Variants in CPXM2 observed in about 807,000 individuals in gnomAD.
The protein encoded by CPXM2 is inactive carboxypeptidase-like protein X2.
A neutral mutation model predicts 86.1 loss-of-function variants in CPXM2; 66 were observed. That is an observed-to-expected ratio of 0.77 (90% CI 0.63 to 0.94). The LOEUF (loss-of-function observed/expected upper bound fraction) is 0.94. Among genes scored for constraint, CPXM2 ranks in the 40% least tolerant of loss-of-function variants. CPXM2 has a pLI of 0.00. For synonymous variants in CPXM2, 388 were observed against 400.2 expected (o/e 0.97, Z 0.36); for missense variants, 948 against 1,026.3 (o/e 0.92, Z 1.04).
intron 2 of CPXM2, among the ~76,000 whole-genome samples, chr10:123,897,844 C>T (rs1945349913): frequency 1.3e-5 from 2 of 152,282 alleles, no homozygotes. Flanking sequence ...ATCACTGCCA[C>T]ATGGGCAGGG....
At chr10:123,893,498 T>C (rs1188439211), upstream of CPXM2, among the ~76,000 whole-genome samples, 1 of 152,184 alleles carries the variant, frequency 6.6e-6, no homozygotes. Flanking sequence ...AGGAGGAGGC[T>C]GCTGGTTGAG....
At chr10:123,941,345 G>A (rs945535245), upstream of CPXM2, among the ~76,000 whole-genome samples, 1 of 152,134 alleles carries the variant, frequency 6.6e-6, no homozygotes, top group African/African-American at 2.4e-5. Flanking sequence ...CAGCTTCCCT[G>A]GTGTTTCTCG....
At chr10:123,793,359 A>G (rs1413861722) in intron 6 of CPXM2, among the ~76,000 whole-genome samples, 2 of 146,712 alleles carry the variant, frequency 1.4e-5, no homozygotes, top group Admixed American at 7.0e-5. Context: ...AGCTACCCGG[A>G]GGCTAAGGCA....
At chr10:123,759,220 C>T (rs952423684) in intron 11 of CPXM2, among the ~76,000 whole-genome samples, 7 of 152,178 alleles carry the variant, frequency 4.6e-5, no homozygotes, top group African/African-American at 1.4e-4. Context: ...TATGGAATTA[C>T]AGACAGTGCA....
At position 123,816,139 on chromosome 10, in the gene CPXM2, C is replaced by A. The variant is rs111277805; in HGVS notation, c.654-16940G>T. Among the ~76,000 whole-genome samples the A allele has an allele frequency of 4.2e-3, 638 of 152,190 alleles. 3 individuals are homozygous for A. The highest frequency in any genetic ancestry group is 0.014 in the African/African-American group (600 of 41,528). ...GTGGAGTGGATTAGTCACTTTAGAC[C>A]TACTCATCCCAGCTAGGAGGGTCCA... On this transcript the variant is annotated intron_variant, in intron 4 of 13. Transcript: ENST00000241305.
intron 13 of CPXM2, among the ~76,000 whole-genome samples, chr10:123,747,440 T>C (rs1038550872): frequency 6.6e-6 from 1 of 152,162 alleles, no homozygotes; most frequent in Non-Finnish European, 1.5e-5. Flanking sequence ...TTTTCAAAGG[T>C]GTGGGCTTTT....
At chr10:123,872,236 C>A (rs1944907112) in intron 2 of CPXM2, among the ~76,000 whole-genome samples, 1 of 152,170 alleles carries the variant, frequency 6.6e-6, no homozygotes, top group Admixed American at 6.5e-5. Context: ...CAAGAATAGT[C>A]TTAACAGCAC....
chr10:123,935,347 C>A (rs1945705279), intron 2 of CPXM2, among the ~76,000 whole-genome samples: 1 of 152,086 alleles, frequency 6.6e-6, no homozygotes, highest in Admixed American at 6.5e-5. Context: ...GCAGAGGTGC[C>A]CACTTAGTGG....
At chr10:123,918,423 A>G (rs1334364603) in intron 2 of CPXM2, among the ~76,000 whole-genome samples, 2 of 152,230 alleles carry the variant, frequency 1.3e-5, no homozygotes, top group African/African-American at 2.4e-5. Flanking sequence ...GAGTACTGTG[A>G]AAAATAATAA....
At chr10:123,825,555 C>T (rs1474639704) in intron 4 of CPXM2, among the ~76,000 whole-genome samples, 2 of 152,206 alleles carry the variant, frequency 1.3e-5, no homozygotes, top group Non-Finnish European at 2.9e-5. Flanking sequence ...GAACCTTCAT[C>T]TCTGGCATCA....
intron 4 of CPXM2, among the ~76,000 whole-genome samples, chr10:123,816,174 C>G (rs545808951): frequency 6.6e-6 from 1 of 152,210 alleles, no homozygotes; most frequent in East Asian, 1.9e-4. Flanking sequence ...AGAAGATATA[C>G]CCTTTACTAA....
At chr10:123,789,664 A>G (rs182968653) in intron 6 of CPXM2, among the ~76,000 whole-genome samples, 1 of 152,298 alleles carries the variant, frequency 6.6e-6, no homozygotes, top group Admixed American at 6.5e-5. Context: ...CCTTCTATAG[A>G]AGGGTGCAAT....
chr10:123,822,443 T>C (rs1590037933), intron 4 of CPXM2, among the ~76,000 whole-genome samples: 1 of 152,216 alleles, frequency 6.6e-6, no homozygotes, highest in African/African-American at 2.4e-5. Flanking sequence ...GTGGAGAACA[T>C]AGAGATTGCA....
chr10:123,750,171 G>T (rs1846044392), intron 13 of CPXM2: 3 of 985,258 alleles, frequency 3.0e-6, no homozygotes, highest in Non-Finnish European at 3.6e-6. Context: ...CAAGAAATTT[G>T]TTCTGTCCTT....
intron 1 of CPXM2, among the ~76,000 whole-genome samples, chr10:123,890,520 G>C (rs1195006930): frequency 6.6e-6 from 1 of 152,244 alleles, no homozygotes; most frequent in Non-Finnish European, 1.5e-5. Flanking sequence ...TGCGAGGCCA[G>C]AGAATTTGGC....
At position 123,767,122 on chromosome 10, in the gene CPXM2, G is replaced by T; in HGVS notation, c.1330C>A (p.Arg444Ser). The T allele has an allele frequency of 6.2e-7, 1 of 1,614,110 alleles. No homozygotes were observed. Among genetic ancestry groups the T allele is most frequent in the Non-Finnish European group, 8.5e-7 (1 of 1,180,008 alleles). Residue 444 changes from arginine to serine, a missense_variant, in exon 10 of 14, where the codon CGC (arginine) becomes AGC (serine). Physicochemically the swap from Arg to Ser is moderately radical, Grantham distance 110. Transcript: ENST00000241305. ...ATGTCAATTCCATCGTGGGTCCAGC[G>T]TCCCAGGGACCAGCCTCCCAGCTCC... ...GSELGGWSLGRWTHDGIDINN... is the reference protein window; with the variant it reads ...GSELGGWSLGSWTHDGIDINN...
intron 1 of CPXM2, among the ~76,000 whole-genome samples, chr10:123,886,725 G>C (rs1945183121): frequency 6.6e-6 from 1 of 152,180 alleles, no homozygotes; most frequent in African/African-American, 2.4e-5. Flanking sequence ...AATGTGCAAT[G>C]AAGAGAGAAA....
In CPXM2 at chr10:123,891,636, G is replaced by C. The variant is rs1034919827; in HGVS notation, c.24C>G (p.Thr8=). MSRPGTA[T]PALALVLLAV... is the part of the protein sequence containing the mutation. The stretch of plus-strand genomic sequence containing the variant: ...CCAGGAGCACCAGGGCCAGCGCTGG[G>C]GTAGCGGTCCCCGGGCGGGACATGC... Residue 8 remains threonine (T), a synonymous_variant, in exon 1 of 14, where the codon ACC becomes ACG. Coordinates refer to ENST00000241305, the MANE Select transcript of CPXM2 (RefSeq NM_198148.3). The surrounding 1 kb of genome is among the most constrained non-coding windows in gnomAD (Gnocchi z 5.6). 4.1e-6 allele frequency: 6 copies of C among 1,458,816 alleles called. No homozygotes were observed. The highest frequency in any genetic ancestry group is 3.9e-4 in the Middle Eastern group (2 of 5,088). 90.4% of individuals were successfully genotyped at this position (1,458,816 alleles called of 1,614,324 possible).
chr10:123,865,085 C>G lies in CPXM2; in HGVS notation c.404-2362G>C, dbSNP rs1177235402. ...TCCTGTGATGGTGTCACGGCAAAGC[C>G]AGAAACTTCACCCCCTCCACCCACA... On this transcript the variant is annotated intron_variant, in intron 2 of 13. Transcript: ENST00000241305. The surrounding 1 kb of genome is among the most constrained non-coding windows in gnomAD (Gnocchi z 4.7). 6.6e-6 allele frequency among the ~76,000 whole-genome samples: 1 copy of G among 152,194 alleles called. No homozygotes were observed. The highest frequency in any genetic ancestry group is 1.5e-5 in the Non-Finnish European group (1 of 68,032).
Sources: gnomAD v4.1 joint callset for allele counts (sites outside exome capture counted in the v4.1 genomes callset) on GRCh38, gnomAD v4.1.1 for gene constraint, Gnocchi (gnomAD v3.1) non-coding constraint, MANE v1.5 for transcripts, NCBI Gene and HGNC (gene_info 2026-07-23, HGNC 2026-07-21) for gene names.